PCSK5: variants seen among roughly 807,000 people sequenced by gnomAD.
The protein encoded by PCSK5 is prohormone convertase 5.
PCSK5 carries 129 observed loss-of-function variants against 233.2 expected under a neutral mutation model. That is an observed-to-expected ratio of 0.55 (90% CI 0.48 to 0.64). The LOEUF (loss-of-function observed/expected upper bound fraction) is 0.64, where lower values mean the gene tolerates loss of function less well. Ranked by LOEUF, PCSK5 falls within the 30% of genes least tolerant of loss-of-function variation. PCSK5 has a pLI of 0.00. For synonymous variants in PCSK5, 825 were observed against 879.2 expected (o/e 0.94, Z 1.09); for missense variants, 2,076 against 2,430.1 (o/e 0.85, Z 3.06).
intron 3 of PCSK5, among the ~76,000 whole-genome samples, chr9:76,005,705 AT>A (rs1363752608): frequency 2.0e-5 from 3 of 152,168 alleles, no homozygotes; most frequent in Non-Finnish European, 2.9e-5. Context: ...CTGGCAGTAG[AT>A]TGCTCATTCC....
chr9:76,055,910 A>G (rs1397352838), intron 5 of PCSK5, among the ~76,000 whole-genome samples: 1 of 152,212 alleles, frequency 6.6e-6, no homozygotes, highest in African/African-American at 2.4e-5. Context: ...AGAAGGTGGT[A>G]ATATGATGAT....
intron 8 of PCSK5, among the ~76,000 whole-genome samples, chr9:76,102,341 A>G (rs1831796824): frequency 6.6e-6 from 1 of 151,664 alleles, no homozygotes; most frequent in African/African-American, 2.4e-5. Context: ...GGGTTTATAT[A>G]TCATTTTATA....
chr9:75,914,374 A>C (rs962389670), intron 1 of PCSK5, among the ~76,000 whole-genome samples: 6 of 152,108 alleles, frequency 3.9e-5, no homozygotes, highest in Non-Finnish European at 8.8e-5. Flanking sequence ...AGTGTGTTTA[A>C]ATTAATGGTA....
chr9:76,308,403 CACACATTCGTGTG>C (rs1273899825), intron 28 of PCSK5, among the ~76,000 whole-genome samples: 4 of 152,248 alleles, frequency 2.6e-5, no homozygotes, highest in Non-Finnish European at 1.5e-5. Context: ...CTTGTGGTAC[CACACATTCGTGTG>C]GTATCTTTCT....
chr9:76,050,546 C>T (rs1829586344), intron 5 of PCSK5, among the ~76,000 whole-genome samples: 1 of 152,150 alleles, frequency 6.6e-6, no homozygotes, highest in Non-Finnish European at 1.5e-5. Context: ...ATAGGAAAAT[C>T]AGTTCAGGTG....
chr9:76,074,402 T>G (rs116458179), intron 7 of PCSK5, among the ~76,000 whole-genome samples: 21 of 152,320 alleles, frequency 1.4e-4, no homozygotes, highest in African/African-American at 4.8e-4. Context: ...CTTTTAGAGT[T>G]GAGGTAGTAA....
At chr9:76,127,997 G>T (rs1224751776) in intron 9 of PCSK5, among the ~76,000 whole-genome samples, 1 of 152,172 alleles carries the variant, frequency 6.6e-6, no homozygotes, top group South Asian at 2.1e-4. Context: ...TGATTAAGAG[G>T]CTGTAGAATG....
chr9:76,016,157 T>G (rs1366868873), intron 3 of PCSK5, among the ~76,000 whole-genome samples: 2 of 152,254 alleles, frequency 1.3e-5, no homozygotes, highest in African/African-American at 4.8e-5. Context: ...GTGTTAATGA[T>G]ACCTAACATG....
At chr9:75,892,300 C>T (rs939961661) in intron 1 of PCSK5, among the ~76,000 whole-genome samples, 1 of 152,186 alleles carries the variant, frequency 6.6e-6, no homozygotes, top group African/African-American at 2.4e-5. Flanking sequence ...GGAAGTACTC[C>T]GGGTTCAGTG....
At chr9:76,354,889 T>A (rs942111680) in intron 37 of PCSK5, among the ~76,000 whole-genome samples, 7 of 152,236 alleles carry the variant, frequency 4.6e-5, no homozygotes, top group African/African-American at 2.4e-5. Context: ...GTTCCTTTTT[T>A]TATTCTTCCC....
intron 20 of PCSK5, among the ~76,000 whole-genome samples, chr9:76,220,976 C>G (rs1338107674): frequency 6.6e-6 from 1 of 152,068 alleles, no homozygotes; most frequent in Non-Finnish European, 1.5e-5. Flanking sequence ...TCTGAGGAGC[C>G]AGTTTATTTG....
chr9:76,284,548 T>A (rs1827997386), intron 24 of PCSK5, among the ~76,000 whole-genome samples: 1 of 146,252 alleles, frequency 6.8e-6, no homozygotes, highest in South Asian at 2.2e-4. Flanking sequence ...TTTTTTTTTT[T>A]TGAGGCAGAG....
intron 10 of PCSK5, among the ~76,000 whole-genome samples, chr9:76,155,340 G>A (rs916974255): frequency 1.3e-5 from 2 of 152,128 alleles, no homozygotes; most frequent in African/African-American, 2.4e-5. Flanking sequence ...TTAGCAAATC[G>A]CATAATTAAG....
At chr9:76,071,224 A>G (rs1256792178) in intron 6 of PCSK5, among the ~76,000 whole-genome samples, 1 of 152,214 alleles carries the variant, frequency 6.6e-6, no homozygotes, top group Non-Finnish European at 1.5e-5. Flanking sequence ...ACTTAGCAAA[A>G]AAAGAAACAT....
chr9:76,158,258 T>C (rs533125364), intron 11 of PCSK5, among the ~76,000 whole-genome samples: 2 of 152,292 alleles, frequency 1.3e-5, no homozygotes, highest in Admixed American at 6.5e-5. Context: ...TGTGGCTCGA[T>C]GAAGGTCTCA....
At chr9:75,897,453 T>C (rs1000208743) in intron 1 of PCSK5, among the ~76,000 whole-genome samples, 2 of 151,386 alleles carry the variant, frequency 1.3e-5, no homozygotes, top group Non-Finnish European at 2.9e-5. Flanking sequence ...TTATAAGACA[T>C]ATACTCTATG....
chr9:75,946,841 G>A (rs909429159), intron 2 of PCSK5, among the ~76,000 whole-genome samples: 1 of 152,098 alleles, frequency 6.6e-6, no homozygotes, highest in African/African-American at 2.4e-5. Context: ...ACCCACCTCG[G>A]CCTCCCAAAG....
At chr9:76,040,387 C>CTCTCTG (rs878987184) in intron 5 of PCSK5, among the ~76,000 whole-genome samples, 450 of 38,978 alleles carry the variant, frequency 0.012, 5 homozygotes, top group African/African-American at 0.032. Flanking sequence ...CTCTCTCTGT[C>CTCTCTG]TCTCTCTCTC....
chr9:76,113,323 G>A (rs77073728), intron 9 of PCSK5, among the ~76,000 whole-genome samples: 2,034 of 152,204 alleles, frequency 0.013, 49 homozygotes, highest in African/African-American at 0.046. Flanking sequence ...GATTCACACC[G>A]TATGCTGTTG....
Sources: gnomAD v4.1 joint callset for allele counts (sites outside exome capture counted in the v4.1 genomes callset) on GRCh38, gnomAD v4.1.1 for gene constraint, MANE v1.5 for transcripts, NCBI Gene and HGNC (gene_info 2026-07-23, HGNC 2026-07-21) for gene names.